The following CADM2 variants were observed in gnomAD, a reference collection of about 807,000 sequenced individuals.
The protein encoded by CADM2 is cell adhesion molecule 2, also known as immunoglobulin superfamily member 4D.
In CADM2, 12 loss-of-function variants were observed where a neutral mutation model predicts 49.8. The observed-to-expected ratio is 0.24, with a 90% confidence interval of 0.15 to 0.39. The LOEUF (loss-of-function observed/expected upper bound fraction) is 0.39, where lower values mean the gene tolerates loss of function less well. CADM2 is among the 10% of genes least tolerant of loss of function. CADM2 has a pLI of 1.00. For synonymous variants in CADM2, 214 were observed against 175.4 expected (o/e 1.22, Z -1.74); for missense variants, 378 against 492.3 (o/e 0.77, Z 2.20).
At chr3:85,255,719 AC>A (rs981254875) in intron 1 of CADM2, among the ~76,000 whole-genome samples, 36 of 152,092 alleles carry the variant, frequency 2.4e-4, no homozygotes, top group African/African-American at 8.7e-4. Flanking sequence ...TGCACCCATT[AC>A]CGGATTTAGA....
chr3:85,355,451 A>G (rs931011408), intron 1 of CADM2, among the ~76,000 whole-genome samples: 4 of 152,206 alleles, frequency 2.6e-5, no homozygotes, highest in East Asian at 3.9e-4. Context: ...CTCACTTCGT[A>G]TGTAGATTTG....
intron 1 of CADM2, among the ~76,000 whole-genome samples, chr3:85,258,595 G>T (rs775129467): frequency 3.3e-5 from 5 of 151,880 alleles, no homozygotes; most frequent in Non-Finnish European, 7.4e-5. Flanking sequence ...AAGCCAAGAC[G>T]CTATCCAATC....
chr3:85,024,542 A>G (rs2034641801), intron 1 of CADM2, among the ~76,000 whole-genome samples: 1 of 152,134 alleles, frequency 6.6e-6, no homozygotes, highest in African/African-American at 2.4e-5. Flanking sequence ...TCTGTTCAAA[A>G]ATAAATGGAT....
intron 8 of CADM2, among the ~76,000 whole-genome samples, chr3:86,030,332 A>G (rs984108839): frequency 6.6e-6 from 1 of 151,996 alleles, no homozygotes; most frequent in Non-Finnish European, 1.5e-5. Flanking sequence ...GTCACTGTTG[A>G]AATCTCAGAA....
chr3:85,659,053 A>AAATAAT (rs71112106), intron 1 of CADM2, among the ~76,000 whole-genome samples: 6,421 of 139,982 alleles, frequency 0.046, 300 homozygotes, highest in African/African-American at 0.11. Flanking sequence ...CTCTGTCTCT[A>AAATAAT]AATAATAATA....
intron 7 of CADM2, among the ~76,000 whole-genome samples, chr3:85,958,970 T>C (rs1017280308): frequency 6.6e-6 from 1 of 151,650 alleles, no homozygotes; most frequent in Non-Finnish European, 1.5e-5. Context: ...GGTACAAGTA[T>C]ACCTACGTAA....
At chr3:85,071,355 A>C (rs1039064192) in intron 1 of CADM2, among the ~76,000 whole-genome samples, 7 of 152,050 alleles carry the variant, frequency 4.6e-5, no homozygotes, top group Admixed American at 3.9e-4. Context: ...AGTGCTTATA[A>C]AATGTGGTTA....
intron 1 of CADM2, among the ~76,000 whole-genome samples, chr3:85,232,400 G>C (rs2042314607): frequency 6.6e-6 from 1 of 151,940 alleles, no homozygotes; most frequent in African/African-American, 2.4e-5. Flanking sequence ...TTTTCTCTGA[G>C]TTCTTATTTG....
rs141113056 is a variant in CADM2 at position 85,659,510 on chromosome 3, G to T, written c.62-67012G>T. Among the ~76,000 whole-genome samples the T allele has an allele frequency of 3.5e-3, 530 of 152,006 alleles. 1 individual carries two copies. Among genetic ancestry groups the T allele is most frequent in the African/African-American group, 0.011 (457 of 41,470 alleles). On this transcript the variant is annotated intron_variant, in intron 1 of 9. Coordinates refer to ENST00000383699, the MANE Select transcript of CADM2 (RefSeq NM_001167675.2). ...TAATGCAGAAATATACACGCTCAGA[G>T]AAGTAATCTGCAAAATACAAGGGGG...
At chr3:85,217,543 G>A (rs539863473) in intron 1 of CADM2, among the ~76,000 whole-genome samples, 2 of 151,880 alleles carry the variant, frequency 1.3e-5, no homozygotes, top group African/African-American at 4.8e-5. Context: ...CTACATTTAT[G>A]TATTAAATCT....
intron 1 of CADM2, among the ~76,000 whole-genome samples, chr3:85,068,893 A>C (rs1422942877): frequency 6.6e-6 from 1 of 151,886 alleles, no homozygotes; most frequent in Non-Finnish European, 1.5e-5. Flanking sequence ...TATGGTAATG[A>C]ATTAGTCATT....
At position 85,961,125 on chromosome 3, in the gene CADM2, C is replaced by T. The variant is rs902565865; in HGVS notation, c.792-344C>T. Reference sequence around the variant, plus strand: ...TCCAAATACATCTGAGGAAGATTTGCCCCAATAGCCTAAGGGTAGTCTTCC... The same window carrying T: ...TCCAAATACATCTGAGGAAGATTTGTCCCAATAGCCTAAGGGTAGTCTTCC... On this transcript the variant is annotated intron_variant, in intron 7 of 9. Coordinates refer to ENST00000383699, the MANE Select transcript of CADM2 (RefSeq NM_001167675.2). Among the ~76,000 whole-genome samples the T allele has an allele frequency of 2.0e-5, 3 of 149,482 alleles. No homozygotes were observed. The Admixed American group carries it at 2.0e-4, about 10-fold the overall frequency.
intron 8 of CADM2, among the ~76,000 whole-genome samples, chr3:85,999,234 C>T (rs1729815839): frequency 6.7e-6 from 1 of 150,234 alleles, no homozygotes. Flanking sequence ...CGTGGTGGCT[C>T]ACACCTGTAA....
chr3:85,850,936 A>G (rs1419953818), intron 3 of CADM2, among the ~76,000 whole-genome samples: 4 of 152,154 alleles, frequency 2.6e-5, no homozygotes, highest in Non-Finnish European at 5.9e-5. Context: ...CCTCTAGCAC[A>G]CTGTAGCAAT....
At chr3:85,747,923 C>T (rs1206164782) in intron 2 of CADM2, among the ~76,000 whole-genome samples, 3 of 151,998 alleles carry the variant, frequency 2.0e-5, no homozygotes, top group African/African-American at 7.2e-5. Flanking sequence ...GAGTGGGCCT[C>T]ATATGAGGAG....
intron 5 of CADM2, among the ~76,000 whole-genome samples, chr3:85,907,747 C>CA (rs947006956): frequency 6.6e-6 from 1 of 151,870 alleles, no homozygotes. Flanking sequence ...TCCGTCTCTA[C>CA]AAAAAATGCA....
intron 7 of CADM2, among the ~76,000 whole-genome samples, chr3:85,943,440 G>A (rs1722231252): frequency 6.8e-6 from 1 of 147,312 alleles, no homozygotes; most frequent in East Asian, 2.0e-4. Context: ...TAAAGCCTAG[G>A]TTTTCTTCTA....
At chr3:85,406,381 A>G (rs541977756) in intron 1 of CADM2, among the ~76,000 whole-genome samples, 10 of 152,316 alleles carry the variant, frequency 6.6e-5, no homozygotes, top group African/African-American at 2.4e-4. Flanking sequence ...AAAATTACAG[A>G]GCCGTTGCTA....
intron 1 of CADM2, among the ~76,000 whole-genome samples, chr3:85,035,884 G>A (rs2035189754): frequency 2.0e-5 from 3 of 152,054 alleles, no homozygotes; most frequent in Admixed American, 2.0e-4. Flanking sequence ...TGTTTTTCAG[G>A]AAAATATCTA....
Sources: allele counts gnomAD v4.1 joint callset (sites outside exome capture counted in the v4.1 genomes callset), GRCh38; gene constraint gnomAD v4.1.1; transcripts MANE v1.5; gene names NCBI Gene and HGNC (gene_info 2026-07-23, HGNC 2026-07-21).